ITFG1: variants seen among roughly 807,000 people sequenced by gnomAD.
ITFG1 encodes T-cell immunomodulatory protein.
Under a neutral mutation model 81.8 loss-of-function variants are expected in ITFG1, and 34 were observed. The observed-to-expected ratio is 0.42, with a 90% CI of 0.32 to 0.55. The LOEUF (loss-of-function observed/expected upper bound fraction) is 0.55. Ranked by LOEUF, ITFG1 falls within the 20% of genes least tolerant of loss-of-function variation. ITFG1 has a pLI of 0.17. For synonymous variants in ITFG1, 285 were observed against 270.6 expected, an observed-to-expected ratio of 1.05 and a Z score of -0.52; for missense variants, 672 against 755.4, an observed-to-expected ratio of 0.89 and a Z score of 1.29.
intron 10 of ITFG1, among the ~76,000 whole-genome samples, chr16:47,308,088 A>C (rs1211935411): frequency 2.0e-5 from 3 of 152,194 alleles, no homozygotes; most frequent in Non-Finnish European, 4.4e-5. Flanking sequence ...TGCTATTGTG[A>C]ATAGTGCCGC....
At chr16:47,315,522 T>A (rs1967339972) in intron 8 of ITFG1, among the ~76,000 whole-genome samples, 1 of 152,138 alleles carries the variant, frequency 6.6e-6, no homozygotes, top group Non-Finnish European at 1.5e-5. Context: ...AGAATCTTAT[T>A]CATACTTTAC....
intron 10 of ITFG1, among the ~76,000 whole-genome samples, chr16:47,266,973 T>C (rs1188286850): frequency 1.3e-5 from 2 of 152,192 alleles, no homozygotes; most frequent in Non-Finnish European, 2.9e-5. Context: ...ATATGGAATG[T>C]TCAGAATAGG....
chr16:47,427,455 G>A (rs1158897303), intron 6 of ITFG1, among the ~76,000 whole-genome samples: 1 of 151,972 alleles, frequency 6.6e-6, no homozygotes, highest in Admixed American at 6.6e-5. Context: ...TCTGGAGTTC[G>A]AGACCAGCCT....
At chr16:47,438,935 GA>G (rs1969207255) in intron 5 of ITFG1, among the ~76,000 whole-genome samples, 1 of 151,630 alleles carries the variant, frequency 6.6e-6, no homozygotes, top group South Asian at 2.1e-4. Context: ...TCAAAACTTT[GA>G]AAAAAAATTA....
chr16:47,285,964 T>C (rs1966868011), intron 10 of ITFG1, among the ~76,000 whole-genome samples: 1 of 152,152 alleles, frequency 6.6e-6, no homozygotes, highest in East Asian at 1.9e-4. Flanking sequence ...TGACACTCAG[T>C]GTAAGTACCA....
chr16:47,431,531 A>G (rs1382527537), intron 5 of ITFG1, among the ~76,000 whole-genome samples: 2 of 152,160 alleles, frequency 1.3e-5, no homozygotes, highest in African/African-American at 4.8e-5. Context: ...CCTGTTGCCA[A>G]AAAGGTTGGG....
intron 12 of ITFG1, among the ~76,000 whole-genome samples, chr16:47,241,068 T>TAA (rs59986645): frequency 7.4e-5 from 10 of 135,134 alleles, no homozygotes; most frequent in South Asian, 2.4e-4. Flanking sequence ...GTTAAGATGG[T>TAA]AAAAAAAAAA....
At chr16:47,375,460 G>A (rs922890478) in intron 7 of ITFG1, among the ~76,000 whole-genome samples, 1 of 151,458 alleles carries the variant, frequency 6.6e-6, no homozygotes, top group African/African-American at 2.4e-5. Context: ...AGTCAACGTG[G>A]CAGTAAGTTT....
chr16:47,406,669 T>A (rs896740077), intron 6 of ITFG1, among the ~76,000 whole-genome samples: 1 of 152,058 alleles, frequency 6.6e-6, no homozygotes, highest in Non-Finnish European at 1.5e-5. Flanking sequence ...CATTCTAGTA[T>A]GGGAAGAAGC....
intron 5 of ITFG1, among the ~76,000 whole-genome samples, chr16:47,430,029 C>T (rs1969073748): frequency 6.7e-6 from 1 of 149,248 alleles, no homozygotes; most frequent in Non-Finnish European, 1.5e-5. Flanking sequence ...GACTTGTCTC[C>T]TAGGCTGTGG....
chr16:47,272,981 A>C (rs1261013038), intron 10 of ITFG1, among the ~76,000 whole-genome samples: 1 of 149,644 alleles, frequency 6.7e-6, no homozygotes, highest in East Asian at 1.9e-4. Context: ...TACTCAATAC[A>C]CTACCACTTG....
chr16:47,419,133 G>T (rs1008335602), intron 6 of ITFG1, among the ~76,000 whole-genome samples: 2 of 152,120 alleles, frequency 1.3e-5, no homozygotes, highest in East Asian at 3.9e-4. Flanking sequence ...TGTGTTCTTG[G>T]ATTTGGCTTG....
chr16:47,171,285 G>C (rs550120735), intron 14 of ITFG1, among the ~76,000 whole-genome samples: 1 of 151,720 alleles, frequency 6.6e-6, no homozygotes, highest in Non-Finnish European at 1.5e-5. Context: ...TGGGATTACA[G>C]GTGTGAGCCA....
chr16:47,461,110 G>A (rs1969537399), upstream of ITFG1: 10 of 1,412,416 alleles, frequency 7.1e-6, no homozygotes, highest in South Asian at 1.3e-4. Context: ...AAAGCACCGC[G>A]TTACCGGCCG....
rs191743125 is a variant in ITFG1 at position 47,280,885 on chromosome 16, T to C, written c.1071-20190A>G. ...GACAGGATTTGGTGAATACATCCAG[T>C]TGTGAGGGTGGGACACTCTAACTCC... is the stretch of plus-strand genomic sequence containing the variant. On this transcript the variant is annotated intron_variant, in intron 10 of 17. Transcript: ENST00000320640. Among the ~76,000 whole-genome samples the C allele has an allele frequency of 7.2e-5, 11 of 152,198 alleles. No homozygotes were observed. The East Asian group carries it at 1.5e-3, about 21-fold the overall frequency.
intron 6 of ITFG1, among the ~76,000 whole-genome samples, chr16:47,377,245 T>G (rs1299969974): frequency 6.6e-6 from 1 of 152,178 alleles, no homozygotes; most frequent in Non-Finnish European, 1.5e-5. Flanking sequence ...ACCATTCTTT[T>G]GTCCATGTAT....
intron 9 of ITFG1, 53 bp from the exon 10 acceptor site, chr16:47,311,465 T>C (rs1967260876): frequency 1.4e-6 from 2 of 1,385,918 alleles, no homozygotes; most frequent in Non-Finnish European, 1.9e-6. Context: ...TAAAAAAATT[T>C]ATAATTTGCA....
chr16:47,387,922 C>A (rs1968482916), intron 6 of ITFG1, among the ~76,000 whole-genome samples: 1 of 150,812 alleles, frequency 6.6e-6, no homozygotes. Flanking sequence ...TTTAAAGCAG[C>A]CACTACAAAT....
At chr16:47,303,931 G>A (rs1418290607) in intron 10 of ITFG1, among the ~76,000 whole-genome samples, 1 of 152,052 alleles carries the variant, frequency 6.6e-6, no homozygotes, top group Non-Finnish European at 1.5e-5. Flanking sequence ...CACCTGGCCT[G>A]TTAATAATTT....
Sources: allele counts gnomAD v4.1 joint callset (sites outside exome capture counted in the v4.1 genomes callset), GRCh38; gene constraint gnomAD v4.1.1; transcripts MANE v1.5; gene names NCBI Gene and HGNC (gene_info 2026-07-23, HGNC 2026-07-21).